Variants in SCHIP1 observed in about 807,000 individuals in gnomAD.
SCHIP1 encodes the protein schwannomin-interacting protein 1.
Under a neutral mutation model 29.7 loss-of-function variants are expected in SCHIP1, and 8 were observed. The ratio of observed to expected loss-of-function variants is 0.27; its 90% confidence interval spans 0.16 to 0.49. The LOEUF (loss-of-function observed/expected upper bound fraction) is 0.49. Ranked by LOEUF, SCHIP1 falls within the 20% of genes least tolerant of loss-of-function variation. SCHIP1 has a pLI of 0.99. For synonymous variants in SCHIP1, 76 were observed against 94.9 expected, an observed-to-expected ratio of 0.80 and a Z score of 1.16; for missense variants, 193 against 294.6, an observed-to-expected ratio of 0.66 and a Z score of 2.52.
the SCHIP1 span, among the ~76,000 whole-genome samples, chr3:159,547,280 G>A: frequency 1.6e-4 from 24 of 151,856 alleles, no homozygotes; most frequent in African/African-American, 5.3e-4. Flanking sequence ...TTTTCTTCTT[G>A]TAAATTTAAG....
chr3:159,677,803 G>T, the SCHIP1 span, among the ~76,000 whole-genome samples: 2 of 152,096 alleles, frequency 1.3e-5, no homozygotes, highest in African/African-American at 2.4e-5. Context: ...TGAACACAGA[G>T]AATTCTCACT....
chr3:159,432,900 C>T, the SCHIP1 span, among the ~76,000 whole-genome samples: 1 of 152,212 alleles, frequency 6.6e-6, no homozygotes, highest in African/African-American at 2.4e-5. Context: ...TAGTATGTTG[C>T]AGGAGAAACA....
At chr3:159,534,257 G>A in the SCHIP1 span, among the ~76,000 whole-genome samples, 1 of 152,088 alleles carries the variant, frequency 6.6e-6, no homozygotes, top group African/African-American at 2.4e-5. Context: ...CCAAATGAAA[G>A]AGCTATATTT....
the SCHIP1 span, among the ~76,000 whole-genome samples, chr3:159,602,644 G>A: frequency 6.6e-6 from 1 of 151,864 alleles, no homozygotes; most frequent in African/African-American, 2.4e-5. Context: ...GGGAGGCAGA[G>A]GTTACAGTGA....
the SCHIP1 span, among the ~76,000 whole-genome samples, chr3:159,800,381 T>C: frequency 6.6e-6 from 1 of 152,310 alleles, no homozygotes; most frequent in East Asian, 1.9e-4. Flanking sequence ...GCAGCCCTTT[T>C]TGGGGCTGCC....
At chr3:159,773,681 A>G in the SCHIP1 span, among the ~76,000 whole-genome samples, 1 of 152,054 alleles carries the variant, frequency 6.6e-6, no homozygotes, top group African/African-American at 2.4e-5. Flanking sequence ...TCTTTTTTTA[A>G]ACCTATGTTG....
chr3:159,431,460 A>G, the SCHIP1 span, among the ~76,000 whole-genome samples: 2 of 152,160 alleles, frequency 1.3e-5, no homozygotes, highest in African/African-American at 4.8e-5. Context: ...GTTTGAGGAT[A>G]AAAGAGGTGT....
the SCHIP1 span, among the ~76,000 whole-genome samples, chr3:159,570,726 T>A: frequency 6.6e-6 from 1 of 152,232 alleles, no homozygotes; most frequent in Non-Finnish European, 1.5e-5. Flanking sequence ...ATCTATGAAT[T>A]ACTTTGGGCA....
At chr3:159,420,544 T>C in the SCHIP1 span, among the ~76,000 whole-genome samples, 3 of 152,214 alleles carry the variant, frequency 2.0e-5, no homozygotes, top group Non-Finnish European at 4.4e-5. Flanking sequence ...ATGATGTGAA[T>C]GCTTGTGGAT....
At chr3:159,471,815 A>T in the SCHIP1 span, among the ~76,000 whole-genome samples, 4 of 152,180 alleles carry the variant, frequency 2.6e-5, no homozygotes, top group African/African-American at 4.8e-5. Context: ...AAATCAACTT[A>T]TGGAACCATT....
the SCHIP1 span, among the ~76,000 whole-genome samples, chr3:159,636,902 C>T: frequency 3.9e-5 from 6 of 152,306 alleles, no homozygotes; most frequent in Admixed American, 3.9e-4. Flanking sequence ...ATCATCTTGC[C>T]TCTCCAATAC....
At chr3:159,670,231 A>C in the SCHIP1 span, among the ~76,000 whole-genome samples, 1 of 152,214 alleles carries the variant, frequency 6.6e-6, no homozygotes, top group African/African-American at 2.4e-5. Flanking sequence ...GACATAAGAT[A>C]AGCAGAATAA....
At chr3:159,801,212 T>C in the SCHIP1 span, among the ~76,000 whole-genome samples, 1 of 152,228 alleles carries the variant, frequency 6.6e-6, no homozygotes, top group Non-Finnish European at 1.5e-5. Context: ...AAGTATTTTA[T>C]ATCAGGAAGA....
chr3:159,346,977 A>G, the SCHIP1 span, among the ~76,000 whole-genome samples: 4 of 151,812 alleles, frequency 2.6e-5, no homozygotes, highest in Non-Finnish European at 5.9e-5. Context: ...GGCAGTCATG[A>G]CTTCCAATGA....
the SCHIP1 span, among the ~76,000 whole-genome samples, chr3:159,753,270 A>C: frequency 3.9e-5 from 6 of 152,308 alleles, no homozygotes; most frequent in South Asian, 1.2e-3. Flanking sequence ...CTAAGCTCCA[A>C]ACTTACATAG....
At chr3:159,533,506 G>T in the SCHIP1 span, among the ~76,000 whole-genome samples, 1 of 152,092 alleles carries the variant, frequency 6.6e-6, no homozygotes, top group Non-Finnish European at 1.5e-5. Context: ...AACCAATGAG[G>T]CTTTTTTCCA....
At chr3:159,674,528 G>A in the SCHIP1 span, among the ~76,000 whole-genome samples, 2 of 149,514 alleles carry the variant, frequency 1.3e-5, no homozygotes, top group Admixed American at 6.7e-5. Context: ...ATGTGGCAGC[G>A]GTCTTTGGAG....
At chr3:159,428,270 G>C in the SCHIP1 span, among the ~76,000 whole-genome samples, 7 of 152,122 alleles carry the variant, frequency 4.6e-5, no homozygotes, top group African/African-American at 1.7e-4. Context: ...CCTACAAAAT[G>C]GGAGAAAATT....
the SCHIP1 span, among the ~76,000 whole-genome samples, chr3:159,416,482 C>A: frequency 1.3e-5 from 2 of 152,162 alleles, no homozygotes; most frequent in Non-Finnish European, 2.9e-5. Flanking sequence ...GTGTCTGGCA[C>A]ATAACAGGCT....
Sources: allele counts gnomAD v4.1 joint callset (sites outside exome capture counted in the v4.1 genomes callset), GRCh38; gene constraint gnomAD v4.1.1; transcripts MANE v1.5; gene names NCBI Gene and HGNC (gene_info 2026-07-23, HGNC 2026-07-21).